The following TDRD3 variants were observed in gnomAD, a reference collection of about 807,000 sequenced individuals.
TDRD3 encodes the protein tudor domain containing 3.
TDRD3 carries 45 observed loss-of-function variants against 86.7 expected under a neutral mutation model. The ratio of observed to expected loss-of-function variants is 0.52; its 90% CI spans 0.41 to 0.67. The LOEUF (loss-of-function observed/expected upper bound fraction) is 0.67. Ranked by LOEUF, TDRD3 falls within the 30% of genes least tolerant of loss-of-function variation. The pLI is 0.00. For synonymous variants in TDRD3, 298 were observed against 301.7 expected, an observed-to-expected ratio of 0.99 and a Z score of 0.13; for missense variants, 814 against 889.0, an observed-to-expected ratio of 0.92 and a Z score of 1.07.
chr13:60,397,515 C>A, intron 1 of TDRD3, 110 bp downstream of exon 1: 5 of 907,740 alleles, frequency 5.5e-6, no homozygotes, highest in South Asian at 5.9e-5. Flanking sequence ...GGCTGTCGTC[C>A]GCCCCCGGCC....
chr13:60,512,746 G>A (rs1449081951), intron 10 of TDRD3, among the ~76,000 whole-genome samples: 6 of 152,218 alleles, frequency 3.9e-5, no homozygotes, highest in Non-Finnish European at 4.4e-5. Context: ...GGATGAAAGA[G>A]GAGAGCTCCC....
intron 3 of TDRD3, among the ~76,000 whole-genome samples, chr13:60,452,697 CTTACTA>C (rs1955577260): frequency 6.6e-6 from 1 of 152,010 alleles, no homozygotes; most frequent in Admixed American, 6.6e-5. Flanking sequence ...TGTCCTTCCA[CTTACTA>C]TTAGTTTGGT....
intron 1 of TDRD3, among the ~76,000 whole-genome samples, chr13:60,429,128 A>G (rs1954888775): frequency 6.6e-6 from 1 of 152,154 alleles, no homozygotes; most frequent in Non-Finnish European, 1.5e-5. Context: ...GGACTATTTC[A>G]CTCTTTTGAC....
At chr13:60,514,501 G>A (rs1404574062) in intron 10 of TDRD3, among the ~76,000 whole-genome samples, 1 of 152,162 alleles carries the variant, frequency 6.6e-6, no homozygotes, top group African/African-American at 2.4e-5. Context: ...TCTCCTAGAT[G>A]TACTGTGTGG....
At chr13:60,494,777 C>T (rs1007157187) in intron 8 of TDRD3, among the ~76,000 whole-genome samples, 1 of 152,178 alleles carries the variant, frequency 6.6e-6, no homozygotes, top group Non-Finnish European at 1.5e-5. Flanking sequence ...TTCTATCTCA[C>T]TTAAATTACT....
Position 60,490,560 on chromosome 13 carries a change from T to C in TDRD3, c.718-3875T>C, listed in dbSNP as rs180919349. On this transcript the variant is annotated intron_variant, in intron 7 of 13. Transcript: ENST00000377881. The stretch of plus-strand genomic sequence containing the variant: ...GAGAAATGGGAGCCTTTGGAATGTT[T>C]TGAGCACAGCAATAACCTCAGCTGA... Among the ~76,000 whole-genome samples, 141 of 152,312 alleles carry C rather than the reference T, an allele frequency of 9.3e-4. 1 individual carries two copies. Among genetic ancestry groups the C allele is most frequent in the African/African-American group, 3.1e-3 (129 of 41,574 alleles).
At chr13:60,515,339 TACCTTACCAGG>T (rs1957145747) in intron 10 of TDRD3, among the ~76,000 whole-genome samples, 2 of 152,348 alleles carry the variant, frequency 1.3e-5, no homozygotes, top group African/African-American at 4.8e-5. Flanking sequence ...TTTAAAGGTT[TACCTTACCAGG>T]ACCTGATTGC....
intron 5 of TDRD3, among the ~76,000 whole-genome samples, chr13:60,478,209 G>C (rs951920226): frequency 1.3e-5 from 2 of 150,638 alleles, no homozygotes; most frequent in Non-Finnish European, 3.0e-5. Flanking sequence ...TGTGGGATTG[G>C]TTGTAATACC....
chr13:60,552,690 A>G (rs898844389), intron 12 of TDRD3, among the ~76,000 whole-genome samples: 1 of 152,174 alleles, frequency 6.6e-6, no homozygotes. Context: ...CCTGCAGCAG[A>G]CTTCTGCCTG....
intron 1 of TDRD3, 67 bp downstream of exon 1, chr13:60,397,472 G>A: frequency 1.5e-6 from 2 of 1,336,536 alleles, no homozygotes; most frequent in Non-Finnish European, 2.0e-6. Flanking sequence ...AGGTTGGGTT[G>A]GGGGCGGCGG....
upstream of TDRD3, chr13:60,397,173 C>G (rs1953936488): frequency 7.3e-6 from 3 of 410,832 alleles, no homozygotes; most frequent in African/African-American, 2.1e-5. Flanking sequence ...CCTACGGCCG[C>G]TCAGAAAACG....
At chr13:60,425,914 A>T (rs1020676289) in intron 1 of TDRD3, among the ~76,000 whole-genome samples, 1 of 152,190 alleles carries the variant, frequency 6.6e-6, no homozygotes, top group African/African-American at 2.4e-5. Context: ...TTATACATAT[A>T]CAAAATATGT....
intron 5 of TDRD3, among the ~76,000 whole-genome samples, chr13:60,478,962 C>A (rs1487446506): frequency 6.6e-6 from 1 of 151,814 alleles, no homozygotes; most frequent in Non-Finnish European, 1.5e-5. Flanking sequence ...CACCACCATG[C>A]CTAGCTGATT....
chr13:60,550,470 C>A (rs1036710337), intron 12 of TDRD3, among the ~76,000 whole-genome samples: 1 of 151,708 alleles, frequency 6.6e-6, no homozygotes, highest in Non-Finnish European at 1.5e-5. Context: ...TCTGTAGATA[C>A]GAAGAGAGGA....
At chr13:60,429,426 G>C (rs1474989208) in intron 1 of TDRD3, among the ~76,000 whole-genome samples, 1 of 151,908 alleles carries the variant, frequency 6.6e-6, no homozygotes. Context: ...ATTTTTCTCT[G>C]TGCAATATAA....
chr13:60,460,351 G>C, intron 3 of TDRD3, 29 bp from the exon 4 acceptor site: 1 of 1,549,918 alleles, frequency 6.5e-7, no homozygotes. Context: ...TGACTAGAAA[G>C]TGATTTTTAT....
At chr13:60,547,546 T>C in intron 12 of TDRD3, 1 of 271,110 alleles carries the variant, frequency 3.7e-6, no homozygotes, top group South Asian at 1.4e-4. Context: ...GTTGTGAGAA[T>C]TAAATGATCT....
At chr13:60,401,766 TG>T (rs909848239) in intron 1 of TDRD3, among the ~76,000 whole-genome samples, 2 of 152,190 alleles carry the variant, frequency 1.3e-5, no homozygotes, top group Non-Finnish European at 2.9e-5. Context: ...CTTTCCCCTT[TG>T]GGGTTATCTC....
At chr13:60,426,645 A>G (rs913948895) in intron 1 of TDRD3, among the ~76,000 whole-genome samples, 1 of 152,204 alleles carries the variant, frequency 6.6e-6, no homozygotes, top group African/African-American at 2.4e-5. Context: ...AGTTGCCCCC[A>G]TTAGAGTTAG....
Sources: allele counts gnomAD v4.1 joint callset (sites outside exome capture counted in the v4.1 genomes callset), GRCh38; gene constraint gnomAD v4.1.1; transcripts MANE v1.5; gene names NCBI Gene and HGNC (gene_info 2026-07-23, HGNC 2026-07-21).